The following ANKS1A variants were observed in gnomAD, a reference collection of about 807,000 sequenced individuals.
ANKS1A encodes ankyrin repeat and SAM domain-containing protein 1A.
In ANKS1A, 55 loss-of-function variants were observed where a neutral mutation model predicts 120.3. The ratio of observed to expected loss-of-function variants is 0.46; its 90% CI spans 0.37 to 0.57. The LOEUF is 0.57. ANKS1A is among the 20% of genes least tolerant of loss of function. The pLI is 0.00. For synonymous variants in ANKS1A, 590 were observed against 604.7 expected, an observed-to-expected ratio of 0.98 and a Z score of 0.36; for missense variants, 1,123 against 1,480.3, an observed-to-expected ratio of 0.76 and a Z score of 3.96.
intron 13 of ANKS1A, among the ~76,000 whole-genome samples, chr6:35,069,047 A>G (rs561977083): frequency 2.0e-5 from 3 of 152,298 alleles, no homozygotes; most frequent in African/African-American, 7.2e-5. Context: ...CATGGATTTC[A>G]TCACAAGACT....
At chr6:35,069,759 G>T (rs1776983340) in intron 13 of ANKS1A, among the ~76,000 whole-genome samples, 1 of 151,814 alleles carries the variant, frequency 6.6e-6, no homozygotes, top group Admixed American at 6.6e-5. Flanking sequence ...GGGTGTGGTG[G>T]CTCATGCCTG....
intron 1 of ANKS1A, among the ~76,000 whole-genome samples, chr6:34,920,068 T>G (rs1160651784): frequency 3.3e-5 from 5 of 152,152 alleles, no homozygotes; most frequent in Non-Finnish European, 5.9e-5. Context: ...GGTTTTTTGT[T>G]GTTGTTAGTT....
intron 13 of ANKS1A, among the ~76,000 whole-genome samples, chr6:35,076,614 C>T (rs888958186): frequency 2.0e-5 from 3 of 152,032 alleles, no homozygotes; most frequent in Non-Finnish European, 4.4e-5. Flanking sequence ...ACAACAGTCC[C>T]AATTTTGTTT....
chr6:34,894,392 C>G (rs1272917567), intron 1 of ANKS1A, among the ~76,000 whole-genome samples: 1 of 152,202 alleles, frequency 6.6e-6, no homozygotes, highest in African/African-American at 2.4e-5. Context: ...TGGCTCACCT[C>G]TGTAATACCA....
chr6:34,978,033 A>C (rs1771695140), intron 3 of ANKS1A, among the ~76,000 whole-genome samples: 1 of 151,862 alleles, frequency 6.6e-6, no homozygotes, highest in African/African-American at 2.4e-5. Flanking sequence ...ATCTTGGCTC[A>C]CTACAACCTC....
chr6:34,992,958 C>T (rs1772653974), intron 9 of ANKS1A, among the ~76,000 whole-genome samples: 1 of 152,180 alleles, frequency 6.6e-6, no homozygotes, highest in African/African-American at 2.4e-5. Flanking sequence ...GATGCATTTC[C>T]AGTGGGCTAA....
chr6:34,953,230 A>T (rs2127494767), intron 1 of ANKS1A, among the ~76,000 whole-genome samples: 1 of 152,326 alleles, frequency 6.6e-6, no homozygotes, highest in South Asian at 2.1e-4. Flanking sequence ...AAGGCAATCA[A>T]GTAATGAAAA....
At chr6:35,077,957 T>C (rs935770189) in intron 13 of ANKS1A, among the ~76,000 whole-genome samples, 2 of 152,196 alleles carry the variant, frequency 1.3e-5, no homozygotes, top group African/African-American at 4.8e-5. Context: ...GCGCTCCGTG[T>C]GCCTCTCCAC....
In ANKS1A at chr6:34,980,767, A is replaced by G. The variant is rs1045686544; in HGVS notation, c.436-923A>G. Among the ~76,000 whole-genome samples the G allele has an allele frequency of 2.0e-5, 3 of 152,258 alleles. No homozygotes were observed. In the East Asian group the frequency reaches 5.8e-4, roughly 29 times the overall value. On this transcript the variant is annotated intron_variant, in intron 3 of 23. Transcript: ENST00000360359. ...TCTGCTCTAATTAGACATTGTCAGTAGTAAAAGAGCATAATTGGAATGACT... is the reference window on the plus strand; with the variant it reads ...TCTGCTCTAATTAGACATTGTCAGTGGTAAAAGAGCATAATTGGAATGACT...
chr6:34,911,457 G>C (rs984008804), intron 1 of ANKS1A, among the ~76,000 whole-genome samples: 3 of 152,108 alleles, frequency 2.0e-5, no homozygotes, highest in Admixed American at 1.3e-4. Flanking sequence ...GATAACAGTG[G>C]GGGGGATCCT....
chr6:35,043,922 A>G (rs1399963534), intron 11 of ANKS1A, among the ~76,000 whole-genome samples: 1 of 152,242 alleles, frequency 6.6e-6, no homozygotes, highest in Non-Finnish European at 1.5e-5. Context: ...AATTTTTTAC[A>G]ACTTACTTCC....
chr6:34,904,273 C>G (rs373385761), intron 1 of ANKS1A, among the ~76,000 whole-genome samples: 1 of 152,054 alleles, frequency 6.6e-6, no homozygotes, highest in East Asian at 1.9e-4. Flanking sequence ...AACAATGAGA[C>G]AAATAGCCTG....
chr6:34,900,431 T>C (rs2127446843), intron 1 of ANKS1A, among the ~76,000 whole-genome samples: 1 of 152,022 alleles, frequency 6.6e-6, no homozygotes, highest in African/African-American at 2.4e-5. Flanking sequence ...ACTCATTTTG[T>C]CCTCATAACA....
At chr6:34,915,986 C>CTTTTTTT (rs202041070) in intron 1 of ANKS1A, among the ~76,000 whole-genome samples, 3 of 104,574 alleles carry the variant, frequency 2.9e-5, no homozygotes, top group African/African-American at 3.9e-5. Flanking sequence ...ATGTCTGGAT[C>CTTTTTTT]TTTTTTTTTT....
intron 1 of ANKS1A, among the ~76,000 whole-genome samples, chr6:34,933,532 G>A (rs1769102509): frequency 6.6e-6 from 1 of 152,130 alleles, no homozygotes; most frequent in African/African-American, 2.4e-5. Flanking sequence ...CACCACGCCC[G>A]GCTAGTTTTG....
chr6:35,065,321 C>T (rs1178531964), intron 13 of ANKS1A, among the ~76,000 whole-genome samples: 1 of 152,176 alleles, frequency 6.6e-6, no homozygotes, highest in Non-Finnish European at 1.5e-5. Flanking sequence ...TTCTCCAGTC[C>T]CCTTTACAGT....
At chr6:35,022,803 T>C (rs769380896) in intron 11 of ANKS1A, among the ~76,000 whole-genome samples, 1 of 152,238 alleles carries the variant, frequency 6.6e-6, no homozygotes, top group Non-Finnish European at 1.5e-5. Flanking sequence ...GGAGTCTTAG[T>C]GTATTTACTG....
At chr6:35,051,044 A>G (rs1702909110) in intron 11 of ANKS1A, among the ~76,000 whole-genome samples, 1 of 152,086 alleles carries the variant, frequency 6.6e-6, no homozygotes, top group Non-Finnish European at 1.5e-5. Flanking sequence ...CCTCACATGG[A>G]TACCCGGGTT....
chr6:35,061,088 C>T (rs138108724), intron 13 of ANKS1A, among the ~76,000 whole-genome samples: 8 of 152,294 alleles, frequency 5.3e-5, no homozygotes, highest in African/African-American at 1.7e-4. Context: ...TAGTGGTTTG[C>T]GTGAATTAGC....
Sources: allele counts gnomAD v4.1 joint callset (sites outside exome capture counted in the v4.1 genomes callset), GRCh38; gene constraint gnomAD v4.1.1; transcripts MANE v1.5; gene names NCBI Gene and HGNC (gene_info 2026-07-23, HGNC 2026-07-21).